The following ACOT11 variants were observed in gnomAD, a reference collection of about 807,000 sequenced individuals.
The protein encoded by ACOT11 is acyl-coenzyme A thioesterase 11.
Under a neutral mutation model 77.5 loss-of-function variants are expected in ACOT11, and 69 were observed. That is an observed-to-expected ratio of 0.89 (90% CI 0.73 to 1.09). The LOEUF is 1.09. Among genes scored for constraint, ACOT11 ranks in the 50% least tolerant of loss-of-function variants. The probability of loss-of-function intolerance (pLI) is 0.00; values close to 1 mark genes in which losing one functional copy is unlikely to be tolerated. For missense variants in ACOT11, 766 were observed against 813.7 expected (o/e 0.94, Z 0.71); for synonymous variants, 279 against 313.0 (o/e 0.89, Z 1.15).
In ACOT11 at chr1:54,548,283, C is replaced by T. The variant is rs192881512; in HGVS notation, c.-27C>T. ...TGACCAGCTTGTGTCTCTGGGAGGG[C>T]GCTGCTTTCCCCGGCCACCCGGCGC... On this transcript the variant is annotated 5_prime_UTR_variant, in exon 1 of 16. Transcript: ENST00000343744. 9.5e-5 allele frequency: 150 copies of T among 1,585,166 alleles called. No homozygotes were observed. Among genetic ancestry groups the T allele is most frequent in the Admixed American group, 2.0e-4 (11 of 55,760 alleles).
intron 1 of ACOT11, among the ~76,000 whole-genome samples, chr1:54,567,785 C>G (rs1653786740): frequency 6.6e-6 from 1 of 152,168 alleles, no homozygotes; most frequent in Admixed American, 6.5e-5. Flanking sequence ...CCAAATACAT[C>G]CTGGCTCCAC....
At position 54,631,484 on chromosome 1, in the gene ACOT11, C is replaced by T. The variant is rs371082298; in HGVS notation, c.1782+598C>T. 3.9e-5 allele frequency among the ~76,000 whole-genome samples: 6 copies of T among 152,298 alleles called. No individual in the cohort carries two copies. The East Asian group carries it at 9.6e-4, about 24-fold the overall frequency. On this transcript the variant is annotated intron_variant, in intron 16 of 16. Coordinates refer to the ACOT11 transcript ENST00000371316. Reference sequence around the variant, plus strand: ...CTTACTTGAGCTTGTGTAACTCCTGCTCAGTTCTTACAATTTAAAACTTGG... The same window carrying T: ...CTTACTTGAGCTTGTGTAACTCCTGTTCAGTTCTTACAATTTAAAACTTGG...
intron 15 of ACOT11, among the ~76,000 whole-genome samples, chr1:54,629,296 T>A (rs1644287830): frequency 7.5e-6 from 1 of 132,818 alleles, no homozygotes; most frequent in South Asian, 2.5e-4. Context: ...CTTTTTTGTT[T>A]TTTGTTTTGA....
chr1:54,574,606 G>T (rs924378150), intron 1 of ACOT11, among the ~76,000 whole-genome samples: 1 of 152,144 alleles, frequency 6.6e-6, no homozygotes, highest in Admixed American at 6.5e-5. Context: ...CGGTCTGTGG[G>T]GGGTGCTCAC....
chr1:54,562,547 CCA>C (rs1385081156), intron 1 of ACOT11, among the ~76,000 whole-genome samples: 35 of 96,448 alleles, frequency 3.6e-4, no homozygotes, highest in African/African-American at 9.2e-4. Context: ...GGGGGCTGAC[CCA>C]CCCCCCACCT....
At chr1:54,576,782 C>A (rs931730678) in intron 1 of ACOT11, among the ~76,000 whole-genome samples, 1 of 151,904 alleles carries the variant, frequency 6.6e-6, no homozygotes, top group Non-Finnish European at 1.5e-5. Flanking sequence ...GAGGTGTGGG[C>A]GAGACTGGAG....
Position 54,609,040 on chromosome 1 carries a change from C to T in ACOT11, c.1713C>T (p.Thr571=). The T allele has an allele frequency of 6.2e-7, 1 of 1,614,144 alleles. No homozygotes were observed. The highest frequency in any genetic ancestry group is 8.5e-7 in the Non-Finnish European group (1 of 1,180,006). The change falls in exon 16 of 16, where the codon ACC becomes ACT. Residue 571 remains threonine (T), a synonymous_variant. Coordinates refer to ENST00000343744, the MANE Select transcript of ACOT11 (RefSeq NM_147161.4). ...CCGGCCTCTCCTCTGAGTTCTACACCACCTTCAAGGCTTGTGAGCAGTTTC... is the reference window on the plus strand; with the variant it reads ...CCGGCCTCTCCTCTGAGTTCTACACTACCTTCAAGGCTTGTGAGCAGTTTC... ...NVAGLSSEFY[T]TFKACEQFLL...
At chr1:54,553,999 C>T (rs1008085625) in intron 1 of ACOT11, among the ~76,000 whole-genome samples, 2 of 151,994 alleles carry the variant, frequency 1.3e-5, no homozygotes, top group African/African-American at 4.8e-5. Flanking sequence ...CATGGCAAAA[C>T]CCGATCTCTA....
intron 15 of ACOT11, among the ~76,000 whole-genome samples, chr1:54,624,324 G>A (rs1300018844): frequency 3.4e-5 from 5 of 148,278 alleles, no homozygotes; most frequent in Non-Finnish European, 7.4e-5. Flanking sequence ...GTGAAAGGGT[G>A]TCTAGAATGA....
chr1:54,619,661 G>A (rs1180293983), intron 15 of ACOT11, among the ~76,000 whole-genome samples: 1 of 152,136 alleles, frequency 6.6e-6, no homozygotes, highest in Non-Finnish European at 1.5e-5. Flanking sequence ...TCAGACATGT[G>A]GTTTAAATCT....
chr1:54,607,574 C>T lies in ACOT11; in HGVS notation c.1502+309C>T, dbSNP rs558539853. Among the ~76,000 whole-genome samples the T allele has an allele frequency of 3.9e-5, 6 of 152,300 alleles. No homozygotes were observed. Among genetic ancestry groups the T allele is most frequent in the Admixed American group, 3.3e-4 (5 of 15,302 alleles). On this transcript the variant is annotated intron_variant, in intron 14 of 15. Transcript: ENST00000343744. The surrounding 1 kb of genome is among the most constrained non-coding windows in gnomAD (Gnocchi z 4.5). The stretch of plus-strand genomic sequence containing the variant: ...TCTCACGTGGCCACCTCCTTGGCCT[C>T]CTCCCTCTGACAGCCCTGTGTGGGC...
At chr1:54,562,549 ACCCCCC>A (rs1653566793) in intron 1 of ACOT11, among the ~76,000 whole-genome samples, 1 of 55,636 alleles carries the variant, frequency 1.8e-5, no homozygotes, top group Admixed American at 1.6e-4. Context: ...GGGCTGACCC[ACCCCCC>A]ACCTCCCTCC....
intron 15 of ACOT11, among the ~76,000 whole-genome samples, chr1:54,618,287 T>G (rs575731248): frequency 2.6e-5 from 4 of 152,200 alleles, no homozygotes; most frequent in East Asian, 3.9e-4. Flanking sequence ...GCGGATCACT[T>G]GAGTTTAGGA....
At chr1:54,566,289 T>C (rs886252808) in intron 1 of ACOT11, among the ~76,000 whole-genome samples, 3 of 152,044 alleles carry the variant, frequency 2.0e-5, no homozygotes, top group Admixed American at 2.0e-4. Flanking sequence ...ATACCCCATC[T>C]CTACTAAAAA....
chr1:54,624,738 A>G (rs1644261702), intron 15 of ACOT11, among the ~76,000 whole-genome samples: 1 of 152,138 alleles, frequency 6.6e-6, no homozygotes, highest in Non-Finnish European at 1.5e-5. Flanking sequence ...TGGCCAGGAC[A>G]GTTTCCCTGG....
chr1:54,550,660 GA>G (rs551018642), intron 1 of ACOT11, among the ~76,000 whole-genome samples: 46 of 133,926 alleles, frequency 3.4e-4, no homozygotes, highest in East Asian at 4.6e-4. Context: ...CCAAAAATAC[GA>G]AAAAAAAAAT....
chr1:54,554,317 G>GTA (rs1390734955), intron 1 of ACOT11, among the ~76,000 whole-genome samples: 55 of 81,476 alleles, frequency 6.8e-4, no homozygotes, highest in African/African-American at 2.5e-3. Context: ...GTGTGTGTGT[G>GTA]TGTGTGTGTG....
intron 15 of ACOT11, among the ~76,000 whole-genome samples, chr1:54,624,806 A>G (rs1276830371): frequency 6.6e-6 from 1 of 152,120 alleles, no homozygotes; most frequent in Non-Finnish European, 1.5e-5. Context: ...AGGAAAGACC[A>G]GAGAGGCTGA....
At chr1:54,571,864 G>T (rs1028726575) in intron 1 of ACOT11, among the ~76,000 whole-genome samples, 1 of 152,254 alleles carries the variant, frequency 6.6e-6, no homozygotes, top group Non-Finnish European at 1.5e-5. Context: ...GGGAGGTGCT[G>T]CTGGGGGAGC....
Sources: allele counts gnomAD v4.1 joint callset (sites outside exome capture counted in the v4.1 genomes callset), GRCh38; gene constraint gnomAD v4.1.1; non-coding constraint Gnocchi (gnomAD v3.1); transcripts MANE v1.5; gene names NCBI Gene and HGNC (gene_info 2026-07-23, HGNC 2026-07-21).